Variants in EXT1 observed in about 807,000 individuals in gnomAD.
The protein encoded by EXT1 is exostosin glycosyltransferase 1, also known as exostosin-1.
EXT1 carries 20 observed loss-of-function variants against 82.5 expected under a neutral mutation model. The ratio of observed to expected loss-of-function variants is 0.24; its 90% CI spans 0.17 to 0.35. The LOEUF (loss-of-function observed/expected upper bound fraction) is 0.35. Ranked by LOEUF, EXT1 falls within the 10% of genes least tolerant of loss-of-function variation. The probability of loss-of-function intolerance (pLI) is 1.00; values close to 1 mark genes in which losing one functional copy is unlikely to be tolerated. For missense variants in EXT1, 757 were observed against 936.5 expected (o/e 0.81, Z 2.50); for synonymous variants, 348 against 350.8 (o/e 0.99, Z 0.09).
At chr8:117,980,295 C>T (rs534532066) in intron 1 of EXT1, among the ~76,000 whole-genome samples, 2 of 152,226 alleles carry the variant, frequency 1.3e-5, no homozygotes, top group South Asian at 2.1e-4. Flanking sequence ...TCCCCTTTTG[C>T]ACCCCTCAGG....
chr8:117,943,132 C>G (rs770044396), intron 1 of EXT1, among the ~76,000 whole-genome samples: 6 of 152,208 alleles, frequency 3.9e-5, no homozygotes, highest in Non-Finnish European at 7.3e-5. Context: ...AACCTAACTA[C>G]TTTCTTCTTT....
At chr8:118,034,253 G>A (rs1816382415) in intron 1 of EXT1, among the ~76,000 whole-genome samples, 1 of 152,132 alleles carries the variant, frequency 6.6e-6, no homozygotes, top group African/African-American at 2.4e-5. Flanking sequence ...TTGGAATCTT[G>A]CTGTGGGTGA....
At chr8:117,883,911 C>T (rs1022056385) in intron 1 of EXT1, among the ~76,000 whole-genome samples, 2 of 152,182 alleles carry the variant, frequency 1.3e-5, no homozygotes, top group East Asian at 1.9e-4. Context: ...TCAAAGTTTT[C>T]GTGCCAGAAA....
intron 1 of EXT1, among the ~76,000 whole-genome samples, chr8:117,920,149 G>A (rs1418221777): frequency 6.6e-6 from 1 of 152,104 alleles, no homozygotes; most frequent in East Asian, 1.9e-4. Context: ...CTGTCACCCA[G>A]GCTGGAATGC....
At chr8:117,853,971 G>T (rs1450904914) in intron 1 of EXT1, among the ~76,000 whole-genome samples, 2 of 152,234 alleles carry the variant, frequency 1.3e-5, no homozygotes, top group East Asian at 1.9e-4. Context: ...CTGCTGGGAT[G>T]GTACACTCAG....
chr8:117,886,780 G>C (rs1813153759), intron 1 of EXT1, among the ~76,000 whole-genome samples: 1 of 152,160 alleles, frequency 6.6e-6, no homozygotes, highest in African/African-American at 2.4e-5. Flanking sequence ...AGAAGGGGTG[G>C]TTTCTACCTG....
intron 1 of EXT1, among the ~76,000 whole-genome samples, chr8:118,076,908 TG>T (rs1370604647): frequency 2.7e-5 from 4 of 148,156 alleles, no homozygotes; most frequent in East Asian, 4.3e-4. Flanking sequence ...ATTTCTTTTT[TG>T]TTGTTTTTTT....
At chr8:117,860,310 T>C (rs980115503) in intron 1 of EXT1, among the ~76,000 whole-genome samples, 6 of 152,012 alleles carry the variant, frequency 3.9e-5, no homozygotes, top group African/African-American at 1.2e-4. Context: ...TGGGTACACA[T>C]GGACATACAG....
At chr8:118,090,172 A>T (rs1273780306) in intron 1 of EXT1, among the ~76,000 whole-genome samples, 2 of 152,216 alleles carry the variant, frequency 1.3e-5, no homozygotes, top group African/African-American at 4.8e-5. Flanking sequence ...CTGTAACCCC[A>T]ACACTTTGGG....
intron 1 of EXT1, among the ~76,000 whole-genome samples, chr8:117,932,271 AG>A (rs1814074345): frequency 1.3e-5 from 2 of 152,194 alleles, no homozygotes; most frequent in South Asian, 4.1e-4. Flanking sequence ...TTGCAGGTTA[AG>A]GATAATCAGA....
intron 3 of EXT1, among the ~76,000 whole-genome samples, chr8:117,834,036 C>T (rs1409751039): frequency 6.6e-6 from 1 of 152,164 alleles, no homozygotes; most frequent in East Asian, 1.9e-4. Flanking sequence ...TCAATGAACA[C>T]CTAAGAAATT....
chr8:118,015,511 A>G (rs1172308398), intron 1 of EXT1, among the ~76,000 whole-genome samples: 2 of 152,230 alleles, frequency 1.3e-5, no homozygotes, highest in African/African-American at 2.4e-5. Flanking sequence ...CAAATTGCTC[A>G]GAGTCCGGCA....
intron 1 of EXT1, among the ~76,000 whole-genome samples, chr8:118,094,514 G>A (rs1422278627): frequency 1.3e-5 from 2 of 152,180 alleles, no homozygotes; most frequent in Non-Finnish European, 2.9e-5. Context: ...GTAGTTTAAT[G>A]GAACAGACAG....
At chr8:117,883,386 A>C (rs1464607115) in intron 1 of EXT1, among the ~76,000 whole-genome samples, 1 of 152,200 alleles carries the variant, frequency 6.6e-6, no homozygotes, top group Non-Finnish European at 1.5e-5. Context: ...GCAATTCTTG[A>C]GATTACAACT....
At chr8:117,997,059 G>A (rs1330878795) in intron 1 of EXT1, among the ~76,000 whole-genome samples, 1 of 152,036 alleles carries the variant, frequency 6.6e-6, no homozygotes, top group African/African-American at 2.4e-5. Flanking sequence ...ACCTTTAGCA[G>A]TAGCAGTCGT....
At chr8:117,929,640 T>A (rs1814013480) in intron 1 of EXT1, among the ~76,000 whole-genome samples, 1 of 152,206 alleles carries the variant, frequency 6.6e-6, no homozygotes, top group Non-Finnish European at 1.5e-5. Context: ...CTGCTTCTAT[T>A]AGGGACATAG....
At chr8:118,060,616 A>G (rs1816866961) in intron 1 of EXT1, among the ~76,000 whole-genome samples, 1 of 152,140 alleles carries the variant, frequency 6.6e-6, no homozygotes, top group Non-Finnish European at 1.5e-5. Context: ...TCAGCTGGTG[A>G]CTTGCTGGTA....
chr8:117,875,560 C>G (rs1812954941), intron 1 of EXT1, among the ~76,000 whole-genome samples: 1 of 152,036 alleles, frequency 6.6e-6, no homozygotes. Context: ...ATTTCAGAGC[C>G]CCAACTGCTA....
chr8:117,856,252 CTTTTTTT>C lies in EXT1; in HGVS notation c.963-19058_963-19052del, dbSNP rs941357298. Among the ~76,000 whole-genome samples, 12 of 135,630 alleles carry C rather than the reference CTTTTTTT, an allele frequency of 8.8e-5. No homozygotes were observed. In the South Asian group the frequency reaches 9.5e-4, roughly 11 times the overall value. The allele number at this position is 135,630 out of a possible 152,430, so 89.0% of individuals were successfully genotyped here. A position where few individuals can be genotyped will look rare whatever the true frequency, so the allele number is the denominator to read the frequency against. On this transcript the variant is annotated intron_variant, in intron 1 of 10. Transcript: ENST00000378204. ...AAGCCAAAGCAGAGTAAGGCTTTTTCTTTTTTTTTTTTTTTGTGGGGGGACGGAGTCT... is the reference window on the plus strand; with the variant it reads ...AAGCCAAAGCAGAGTAAGGCTTTTTCTTTTTTTTGTGGGGGGACGGAGTCT...
Sources: gnomAD v4.1 joint callset for allele counts (sites outside exome capture counted in the v4.1 genomes callset) on GRCh38, gnomAD v4.1.1 for gene constraint, MANE v1.5 for transcripts, NCBI Gene and HGNC (gene_info 2026-07-23, HGNC 2026-07-21) for gene names.